The following PSMG2 variants were observed in gnomAD, a reference collection of about 807,000 sequenced individuals.
PSMG2 encodes CD40 ligand-activated specific transcript 3.
In PSMG2, 21 loss-of-function variants were observed where a neutral mutation model predicts 31.5. That is an observed-to-expected ratio of 0.67 (90% CI 0.47 to 0.96). PSMG2 has a LOEUF of 0.96. PSMG2 is among the 40% of genes least tolerant of loss of function. The pLI is 0.00. For missense variants in PSMG2, 318 were observed against 321.2 expected (o/e 0.99, Z 0.08); for synonymous variants, 120 against 110.4 (o/e 1.09, Z -0.54).
chr18:12,725,447 C>T lies in PSMG2; in HGVS notation c.711C>T (p.Asp237=), dbSNP rs771751768. ...TTGTTCTTCAATTACAGAGCGATGA[C>T]CCCACAGTATCTGCCTCACGGTGGA... is the stretch of plus-strand genomic sequence containing the variant. ...WLQILKPLSD[D]PTVSASRWKI... is the part of the protein sequence containing the mutation. The change falls in exon 7 of 7, where the codon GAC becomes GAT. Residue 237 remains aspartate, a synonymous_variant. Transcript: ENST00000317615. 1 of 1,589,178 alleles carries T rather than the reference C, an allele frequency of 6.3e-7. No individual in the cohort carries two copies. Among genetic ancestry groups the T allele is most frequent in the South Asian group, 1.1e-5 (1 of 90,286 alleles).
intron 3 of PSMG2, among the ~76,000 whole-genome samples, chr18:12,717,865 C>A (rs2040392555): frequency 6.6e-6 from 1 of 152,122 alleles, no homozygotes; most frequent in East Asian, 1.9e-4. Flanking sequence ...TGGCAAGAAC[C>A]CTTCACAGAT....
chr18:12,700,662 G>C (rs555378363), upstream of PSMG2, among the ~76,000 whole-genome samples: 1 of 152,206 alleles, frequency 6.6e-6, no homozygotes, highest in East Asian at 1.9e-4. Flanking sequence ...TTGTTATGGT[G>C]AACTAATTGG....
intron 1 of PSMG2, chr18:12,673,512 GA>G (rs751437963): frequency 3.0e-4 from 447 of 1,500,176 alleles, no homozygotes; most frequent in South Asian, 1.1e-3. Flanking sequence ...ATCTATTTAA[GA>G]AAAAAAAAAT....
In PSMG2 at chr18:12,720,343, CTAAG is replaced by C. The variant is rs71354705; in HGVS notation, c.408-152_408-149del. 2.5e-3 allele frequency among the ~76,000 whole-genome samples: 383 copies of C among 152,268 alleles called. 1 individual carries two copies. The highest frequency in any genetic ancestry group is 8.8e-3 in the African/African-American group (365 of 41,554). On this transcript the variant is annotated intron_variant, in intron 4 of 6. Transcript: ENST00000317615. ...TGTTTCTGTCTTTTTATATTGTCTC[CTAAG>C]TAAGTAAGTAAGTAGCAAATCAGAG...
intron 1 of PSMG2, among the ~76,000 whole-genome samples, chr18:12,667,575 CA>C (rs1310468093): frequency 4.0e-5 from 6 of 151,612 alleles, no homozygotes; most frequent in African/African-American, 1.2e-4. Context: ...GCCTGGCCAA[CA>C]TGGTGAAACC....
intron 3 of PSMG2, among the ~76,000 whole-genome samples, chr18:12,714,913 C>T (rs1038439800): frequency 2.0e-5 from 3 of 151,784 alleles, no homozygotes; most frequent in Non-Finnish European, 2.9e-5. Flanking sequence ...CCATGTTGGC[C>T]AGGCTGGTCT....
chr18:12,697,305 T>C (rs868192300), intron 1 of PSMG2: 3 of 1,614,032 alleles, frequency 1.9e-6, no homozygotes, highest in South Asian at 2.2e-5. Context: ...AATATGATGC[T>C]ACTAAAGTCG....
chr18:12,699,880 G>T, upstream of PSMG2: 1 of 1,597,652 alleles, frequency 6.3e-7, no homozygotes, highest in South Asian at 1.1e-5. Flanking sequence ...TTTTGGAGAG[G>T]AAGGGAGTTC....
At chr18:12,704,846 G>A (rs2040248327) in intron 1 of PSMG2, among the ~76,000 whole-genome samples, 1 of 152,172 alleles carries the variant, frequency 6.6e-6, no homozygotes, top group Non-Finnish European at 1.5e-5. Flanking sequence ...GGAATTGCAG[G>A]AGGTAACTAG....
chr18:12,711,196 T>C (rs955430523), intron 2 of PSMG2, among the ~76,000 whole-genome samples: 1 of 151,968 alleles, frequency 6.6e-6, no homozygotes, highest in Non-Finnish European at 1.5e-5. Context: ...CACTTGAACC[T>C]GGGAGGCAGA....
At chr18:12,702,855 C>T (rs2040206298), upstream of PSMG2, 2 of 572,610 alleles carry the variant, frequency 3.5e-6, no homozygotes, top group African/African-American at 2.0e-5. Flanking sequence ...ACCCCGAGAC[C>T]TCAGCGCACC....
At chr18:12,661,341 C>T (rs982688149) in intron 1 of PSMG2, 11 of 983,228 alleles carry the variant, frequency 1.1e-5, no homozygotes, top group South Asian at 4.7e-5. Context: ...TAAGCCTTAC[C>T]GTCATCCATC....
At chr18:12,725,340 C>T in intron 6 of PSMG2, 99 bp from the exon 7 acceptor site, 1 of 923,540 alleles carries the variant, frequency 1.1e-6, no homozygotes, top group Non-Finnish European at 1.6e-6. Flanking sequence ...ATAAAAGTGC[C>T]AACCAAAAGG....
intron 1 of PSMG2, among the ~76,000 whole-genome samples, chr18:12,661,127 G>A (rs908183704): frequency 2.0e-5 from 3 of 152,048 alleles, no homozygotes; most frequent in African/African-American, 4.8e-5. Context: ...GGCCAACATG[G>A]CAAAAACCTG....
intron 1 of PSMG2, chr18:12,679,044 G>A (rs566177720): frequency 1.3e-5 from 2 of 152,308 alleles, no homozygotes; most frequent in East Asian, 3.9e-4. Flanking sequence ...TATTAGGCAT[G>A]ATTATCAACC....
At chr18:12,705,546 AG>A (rs1264618078) in intron 1 of PSMG2, among the ~76,000 whole-genome samples, 2 of 42,368 alleles carry the variant, frequency 4.7e-5, no homozygotes, top group Non-Finnish European at 1.4e-4. Flanking sequence ...CATGGGAAAA[AG>A]AGAGAGAGAG....
Position 12,706,707 on chromosome 18 carries a change from G to T in PSMG2, c.215G>T (p.Ser72Ile). 6.2e-7 allele frequency: 1 copy of T among 1,605,964 alleles called. No homozygotes were observed. The highest frequency in any genetic ancestry group is 8.5e-7 in the Non-Finnish European group (1 of 1,174,262). ...ACAGAAGGAAATTCAACAGAACTTA[G>T]CATAAATGCTGAAGGTATGTAAGAC... is the stretch of plus-strand genomic sequence containing the variant. Reference protein sequence around the residue: ...ATTEGNSTELSINAEVYSLPS... With the variant: ...ATTEGNSTELIINAEVYSLPS... Residue 72 changes from serine to isoleucine, a missense_variant, in exon 2 of 7, where the codon AGC becomes ATC. Transcript: ENST00000317615.
intron 1 of PSMG2, among the ~76,000 whole-genome samples, chr18:12,682,449 A>C (rs2039385055): frequency 2.0e-5 from 3 of 152,148 alleles, no homozygotes; most frequent in African/African-American, 7.2e-5. Context: ...TCAGCCTCCC[A>C]AAGTGCTGGG....
At chr18:12,658,823 TC>T in intron 1 of PSMG2, 1 of 321,824 alleles carries the variant, frequency 3.1e-6, no homozygotes. Flanking sequence ...CACTGACTTC[TC>T]CCAAAAGCTA....
Sources: allele counts gnomAD v4.1 joint callset (sites outside exome capture counted in the v4.1 genomes callset), GRCh38; gene constraint gnomAD v4.1.1; transcripts MANE v1.5; gene names NCBI Gene and HGNC (gene_info 2026-07-23, HGNC 2026-07-21).